The following STON2 variants were observed in gnomAD, a reference collection of about 807,000 sequenced individuals.
STON2 encodes stonin-2.
In STON2, 29 loss-of-function variants were observed where a neutral mutation model predicts 65.7. That is an observed-to-expected ratio of 0.44 (90% confidence interval 0.33 to 0.60). STON2 has a LOEUF of 0.60. Ranked by LOEUF, STON2 falls within the 20% of genes least tolerant of loss-of-function variation. The probability of loss-of-function intolerance (pLI) is 0.03; values close to 1 mark genes in which losing one functional copy is unlikely to be tolerated. For missense variants in STON2, 1,054 were observed against 1,118.1 expected, an observed-to-expected ratio of 0.94 and a Z score of 0.82; for synonymous variants, 404 against 414.2, an observed-to-expected ratio of 0.98 and a Z score of 0.30.
chr14:81,429,782 A>C (rs911395193), intron 1 of STON2, among the ~76,000 whole-genome samples: 2 of 152,032 alleles, frequency 1.3e-5, no homozygotes, highest in Admixed American at 6.5e-5. Context: ...AAAAATACAA[A>C]AAATCAGCTG....
chr14:81,266,109 A>T lies in STON2; in HGVS notation c.*2305T>A, dbSNP rs1894349145. The T allele has an allele frequency of 1.0e-5, 10 of 984,710 alleles. No individual in the cohort carries two copies. The highest frequency in any genetic ancestry group is 9.6e-6 in the Non-Finnish European group (8 of 829,254). The allele number at this position is 984,710 out of a possible 1,614,324, so 61.0% of individuals were successfully genotyped here. ...AAGAAAAAGACAAATGAAGTTAGAG[A>T]GTCTTATTACTATTGAGACTAAACC... On this transcript the variant is annotated 3_prime_UTR_variant, in exon 8 of 8. Transcript: ENST00000614646.
chr14:81,428,366 A>G (rs897837454), intron 1 of STON2, among the ~76,000 whole-genome samples: 2 of 152,206 alleles, frequency 1.3e-5, no homozygotes, highest in Admixed American at 1.3e-4. Flanking sequence ...ACGTCTACCA[A>G]ATATGGATCA....
chr14:81,375,111 A>G (rs1899190038), intron 3 of STON2, among the ~76,000 whole-genome samples: 1 of 152,164 alleles, frequency 6.6e-6, no homozygotes, highest in African/African-American at 2.4e-5. Context: ...TTACATACCC[A>G]GTGAAATATC....
At chr14:81,291,845 T>C (rs1895567014) in intron 5 of STON2, among the ~76,000 whole-genome samples, 2 of 144,078 alleles carry the variant, frequency 1.4e-5, no homozygotes, top group East Asian at 2.0e-4. Flanking sequence ...ATGTTTCAAA[T>C]ACTTAGCATG....
intron 1 of STON2, among the ~76,000 whole-genome samples, chr14:81,429,934 CAAAAAA>C (rs371030408): frequency 1.0e-3 from 132 of 128,882 alleles, no homozygotes; most frequent in African/African-American, 3.4e-3. Flanking sequence ...GACTCTGTCT[CAAAAAA>C]AAAAAAAAGA....
At chr14:81,429,682 C>T (rs951897021) in intron 1 of STON2, among the ~76,000 whole-genome samples, 5 of 152,160 alleles carry the variant, frequency 3.3e-5, no homozygotes, top group African/African-American at 1.2e-4. Flanking sequence ...GCCTGTAATC[C>T]CAGCACTTTG....
At chr14:81,392,953 G>A (rs904818632) in intron 3 of STON2, among the ~76,000 whole-genome samples, 2 of 152,142 alleles carry the variant, frequency 1.3e-5, no homozygotes, top group African/African-American at 2.4e-5. Context: ...CAGTGAAAAG[G>A]CAAATAACAT....
chr14:81,434,320 G>A (rs935520135), intron 1 of STON2, among the ~76,000 whole-genome samples: 2 of 152,128 alleles, frequency 1.3e-5, no homozygotes, highest in African/African-American at 4.8e-5. Flanking sequence ...AGAAGTCTTT[G>A]CCCCGCCCAA....
chr14:81,411,017 TTTC>T (rs1413337788), intron 2 of STON2, among the ~76,000 whole-genome samples: 1 of 152,254 alleles, frequency 6.6e-6, no homozygotes, highest in Admixed American at 6.5e-5. Flanking sequence ...CCAGGTTTAA[TTTC>T]TGTTTTTCTT....
intron 4 of STON2, among the ~76,000 whole-genome samples, chr14:81,363,935 C>G (rs1233825911): frequency 1.3e-5 from 2 of 152,108 alleles, no homozygotes; most frequent in Non-Finnish European, 2.9e-5. Flanking sequence ...AAACAGGCAA[C>G]AGAGAAACAT....
In STON2 at chr14:81,370,792, A is replaced by C. The variant is rs1441861454; in HGVS notation, c.571+196T>G. Among the ~76,000 whole-genome samples, 3 of 152,222 alleles carry C rather than the reference A, an allele frequency of 2.0e-5. No homozygotes were observed. In the East Asian group the frequency reaches 5.8e-4, roughly 29 times the overall value. ...CCGAGTATGAATAATCTGCCAACCA[A>C]GGATCCAATTTGTGTATACATCTTC... On this transcript the variant is annotated intron_variant, in intron 4 of 7. Transcript: ENST00000614646.
At chr14:81,340,071 A>G (rs113246927) in intron 4 of STON2, among the ~76,000 whole-genome samples, 11,655 of 152,180 alleles carry the variant, frequency 0.077, 577 homozygotes, top group African/African-American at 0.13. Context: ...GGAGAATGGC[A>G]TAAACCCGGG....
At chr14:81,323,525 C>T (rs575736766) in intron 5 of STON2, 32 of 152,268 alleles carry the variant, frequency 2.1e-4, no homozygotes, top group African/African-American at 7.5e-4. Context: ...TTCCTCAAAC[C>T]CCACCTTGCA....
intron 6 of STON2, among the ~76,000 whole-genome samples, chr14:81,275,803 G>A (rs951316418): frequency 9.2e-5 from 14 of 152,088 alleles, no homozygotes; most frequent in Non-Finnish European, 1.5e-4. Flanking sequence ...GCCGTCGGCC[G>A]TCACATTGCA....
intron 2 of STON2, among the ~76,000 whole-genome samples, chr14:81,420,826 G>A (rs1901668392): frequency 1.3e-5 from 2 of 152,276 alleles, no homozygotes; most frequent in African/African-American, 4.8e-5. Flanking sequence ...AACCACTCAC[G>A]TTAACATGCA....
At chr14:81,271,591 G>T (rs1222669932) in intron 6 of STON2, among the ~76,000 whole-genome samples, 4 of 152,168 alleles carry the variant, frequency 2.6e-5, no homozygotes, top group Non-Finnish European at 4.4e-5. Flanking sequence ...ACAACAGGGT[G>T]GGCTGGGCAA....
chr14:81,373,323 T>C (rs908419425), intron 3 of STON2, among the ~76,000 whole-genome samples: 3 of 151,732 alleles, frequency 2.0e-5, no homozygotes, highest in Admixed American at 6.6e-5. Flanking sequence ...ACCCCAAACA[T>C]AGAAAAAAAT....
intron 4 of STON2, among the ~76,000 whole-genome samples, chr14:81,369,792 C>T (rs1898904486): frequency 6.6e-6 from 1 of 152,052 alleles, no homozygotes; most frequent in Admixed American, 6.6e-5. Flanking sequence ...GGGCCCAGAG[C>T]AATGAAAAGT....
chr14:81,332,249 T>C (rs1897241561), intron 4 of STON2, among the ~76,000 whole-genome samples: 1 of 152,214 alleles, frequency 6.6e-6, no homozygotes, highest in Non-Finnish European at 1.5e-5. Context: ...CAACACCATC[T>C]ATTAGCAAAT....
Sources: gnomAD v4.1 joint callset for allele counts (sites outside exome capture counted in the v4.1 genomes callset) on GRCh38, gnomAD v4.1.1 for gene constraint, MANE v1.5 for transcripts, NCBI Gene and HGNC (gene_info 2026-07-23, HGNC 2026-07-21) for gene names.